The following HS6ST3 variants were observed in gnomAD, a reference collection of about 807,000 sequenced individuals.
The protein encoded by HS6ST3 is heparan sulfate 6-O-sulfotransferase 3.
HS6ST3 carries 12 observed loss-of-function variants against 36.7 expected under a neutral mutation model. That is an observed-to-expected ratio of 0.33 (90% confidence interval 0.21 to 0.53). The LOEUF is 0.53. Among genes scored for constraint, HS6ST3 ranks in the 20% least tolerant of loss-of-function variants. The pLI is 0.95. For missense variants in HS6ST3, 584 were observed against 640.9 expected (o/e 0.91, Z 0.96); for synonymous variants, 240 against 257.5 (o/e 0.93, Z 0.65).
chr13:96,332,049 G>T (rs2055072989), intron 1 of HS6ST3, among the ~76,000 whole-genome samples: 1 of 152,312 alleles, frequency 6.6e-6, no homozygotes, highest in South Asian at 2.1e-4. Flanking sequence ...CTCGCGCAGG[G>T]TGCACGCACC....
At chr13:96,429,847 T>C (rs2055605861) in intron 1 of HS6ST3, among the ~76,000 whole-genome samples, 1 of 152,224 alleles carries the variant, frequency 6.6e-6, no homozygotes, top group African/African-American at 2.4e-5. Context: ...GGAAAAAGCA[T>C]GAATTATTTG....
At chr13:96,695,585 A>G (rs904673383) in intron 1 of HS6ST3, among the ~76,000 whole-genome samples, 2 of 112,616 alleles carry the variant, frequency 1.8e-5, no homozygotes, top group Admixed American at 2.1e-4. Flanking sequence ...GGCACATACC[A>G]CCACCCTCAG....
At chr13:96,265,205 C>T (rs1030901384) in intron 1 of HS6ST3, among the ~76,000 whole-genome samples, 2 of 151,880 alleles carry the variant, frequency 1.3e-5, no homozygotes, top group Non-Finnish European at 2.9e-5. Context: ...CAGACAGGGT[C>T]TTGCCCTCTC....
chr13:96,349,667 CT>C (rs1300674849), intron 1 of HS6ST3, among the ~76,000 whole-genome samples: 5 of 152,074 alleles, frequency 3.3e-5, no homozygotes, highest in African/African-American at 1.2e-4. Context: ...TATTTTTGGA[CT>C]TTATTGCAAC....
chr13:96,257,472 C>T (rs1024477529), intron 1 of HS6ST3, among the ~76,000 whole-genome samples: 7 of 152,124 alleles, frequency 4.6e-5, no homozygotes, highest in African/African-American at 1.7e-4. Context: ...AGACTAGTGC[C>T]AAACTGTTTG....
intron 1 of HS6ST3, among the ~76,000 whole-genome samples, chr13:96,430,746 A>C (rs1490871716): frequency 6.6e-6 from 1 of 152,194 alleles, no homozygotes; most frequent in African/African-American, 2.4e-5. Flanking sequence ...GTGAAGGTCA[A>C]TTCAGCCACT....
intron 1 of HS6ST3, among the ~76,000 whole-genome samples, chr13:96,380,264 CTT>C (rs33958530): frequency 0.015 from 2,094 of 136,194 alleles, 42 homozygotes; most frequent in African/African-American, 0.044. Flanking sequence ...TAAGTTAGCA[CTT>C]TTTTTTTTTT....
intron 1 of HS6ST3, among the ~76,000 whole-genome samples, chr13:96,524,984 C>G (rs1399592244): frequency 6.6e-6 from 1 of 152,182 alleles, no homozygotes; most frequent in African/African-American, 2.4e-5. Context: ...ATTCGGCCAT[C>G]TTGGAAGTGA....
chr13:96,466,476 C>T (rs567775595), intron 1 of HS6ST3, among the ~76,000 whole-genome samples: 1 of 152,252 alleles, frequency 6.6e-6, no homozygotes, highest in East Asian at 1.9e-4. Flanking sequence ...CAATTTTCTG[C>T]TTCTACGAGT....
chr13:96,770,691 C>A (rs1299167208), intron 1 of HS6ST3, among the ~76,000 whole-genome samples: 3 of 152,148 alleles, frequency 2.0e-5, no homozygotes, highest in Non-Finnish European at 2.9e-5. Flanking sequence ...TGGATAGTAA[C>A]CACCAGAATT....
chr13:96,219,836 A>C (rs905446039), intron 1 of HS6ST3, among the ~76,000 whole-genome samples: 43 of 152,258 alleles, frequency 2.8e-4, no homozygotes, highest in Non-Finnish European at 5.1e-4. Context: ...GGCGCGTGCC[A>C]CCACACCCAG....
At chr13:96,611,470 G>T (rs1057171746) in intron 1 of HS6ST3, among the ~76,000 whole-genome samples, 1 of 152,176 alleles carries the variant, frequency 6.6e-6, no homozygotes, top group Non-Finnish European at 1.5e-5. Context: ...TAGGAACTAT[G>T]ATCCTACTGA....
At chr13:96,588,517 A>G (rs998816708) in intron 1 of HS6ST3, among the ~76,000 whole-genome samples, 9 of 152,204 alleles carry the variant, frequency 5.9e-5, no homozygotes, top group African/African-American at 2.2e-4. Context: ...CATTCTGTCA[A>G]TGTGATGTGC....
At chr13:96,558,492 T>A (rs1418924121) in intron 1 of HS6ST3, among the ~76,000 whole-genome samples, 1 of 152,160 alleles carries the variant, frequency 6.6e-6, no homozygotes, top group Non-Finnish European at 1.5e-5. Context: ...CTATAAGAGG[T>A]TCATTTTTCA....
chr13:96,638,098 A>G (rs1392730297), intron 1 of HS6ST3, among the ~76,000 whole-genome samples: 2 of 152,086 alleles, frequency 1.3e-5, no homozygotes, highest in Admixed American at 6.6e-5. Context: ...GATTCCTACT[A>G]CTTGGAACTT....
At chr13:96,637,237 C>CA (rs1450577170) in intron 1 of HS6ST3, among the ~76,000 whole-genome samples, 2 of 152,010 alleles carry the variant, frequency 1.3e-5, no homozygotes, top group African/African-American at 4.8e-5. Context: ...ATTTACCTTA[C>CA]CAGATTGGTA....
intron 1 of HS6ST3, among the ~76,000 whole-genome samples, chr13:96,639,283 C>T (rs533151571): frequency 6.6e-6 from 1 of 151,902 alleles, no homozygotes; most frequent in African/African-American, 2.4e-5. Flanking sequence ...ATAAAATGTC[C>T]TTACTTGTTT....
intron 1 of HS6ST3, among the ~76,000 whole-genome samples, chr13:96,524,622 A>G (rs894750586): frequency 6.6e-6 from 1 of 152,192 alleles, no homozygotes; most frequent in African/African-American, 2.4e-5. Flanking sequence ...CCAGCAACCC[A>G]GGTTGATCTC....
At chr13:96,385,175 G>A (rs1410736290) in intron 1 of HS6ST3, among the ~76,000 whole-genome samples, 1 of 76,900 alleles carries the variant, frequency 1.3e-5, no homozygotes, top group African/African-American at 4.9e-5. Context: ...GCAGAACTCT[G>A]TATCCAAAAA....
Sources: gnomAD v4.1 joint callset for allele counts (sites outside exome capture counted in the v4.1 genomes callset) on GRCh38, gnomAD v4.1.1 for gene constraint, MANE v1.5 for transcripts, NCBI Gene and HGNC (gene_info 2026-07-23, HGNC 2026-07-21) for gene names.